PRH1: variants seen among roughly 807,000 people sequenced by gnomAD.
The protein encoded by PRH1 is proline rich protein HaeIII subfamily 1.
Under a neutral mutation model 7.9 loss-of-function variants are expected in PRH1, and 7 were observed. The ratio of observed to expected loss-of-function variants is 0.89; its 90% CI spans 0.50 to 1.67. PRH1 has a LOEUF of 1.67. Among genes scored for constraint, PRH1 ranks in the 40% most tolerant of loss-of-function variants. PRH1 has a pLI of 0.00. For missense variants in PRH1, 109 were observed against 223.6 expected (o/e 0.49, Z 3.27); for synonymous variants, 45 against 80.8 (o/e 0.56, Z 2.38).
chr12:11,070,305 T>A (rs142086260), intron 1 of PRH1, among the ~76,000 whole-genome samples: 2 of 152,148 alleles, frequency 1.3e-5, no homozygotes, highest in Non-Finnish European at 2.9e-5. Flanking sequence ...AAGGGAAGAA[T>A]GCCTCAGGCA....
At chr12:10,990,027 G>A (rs1280407352) in intron 1 of PRH1, among the ~76,000 whole-genome samples, 1 of 152,080 alleles carries the variant, frequency 6.6e-6, no homozygotes, top group African/African-American at 2.4e-5. Context: ...GTTATCCTGA[G>A]CAAAAAGAAC....
intron 1 of PRH1, among the ~76,000 whole-genome samples, chr12:11,091,115 C>CATATATATATATAT (rs1555163213): frequency 0.011 from 270 of 25,108 alleles, 31 homozygotes; most frequent in African/African-American, 0.021. Context: ...CACACACACA[C>CATATATATATATAT]ATATATATAT....
chr12:10,946,603 A>G (rs1442588600), intron 2 of PRH1, among the ~76,000 whole-genome samples: 2 of 151,982 alleles, frequency 1.3e-5, no homozygotes, highest in Non-Finnish European at 2.9e-5. Context: ...AAATTCATTG[A>G]TCTTTTGAAT....
chr12:11,036,040 C>G (rs1942421600), intron 1 of PRH1, among the ~76,000 whole-genome samples: 1 of 152,078 alleles, frequency 6.6e-6, no homozygotes, highest in Admixed American at 6.5e-5. Flanking sequence ...ACTACAGGAG[C>G]CTGCCACAAC....
At chr12:11,144,819 A>G (rs1946816516) in intron 1 of PRH1, among the ~76,000 whole-genome samples, 1 of 152,202 alleles carries the variant, frequency 6.6e-6, no homozygotes. Flanking sequence ...AACTTAACTC[A>G]GCTCAAGGTA....
At position 10,970,546 on chromosome 12, in the gene PRH1, TAAAGA is replaced by T. The variant is rs199597597; in HGVS notation, c.-59+3104_-59+3108del. Among the ~76,000 whole-genome samples, 426 of 150,434 alleles carry T rather than the reference TAAAGA, an allele frequency of 2.8e-3. 12 individuals carry two copies. The East Asian group carries it at 0.072, about 25-fold the overall frequency. On this transcript the variant is annotated intron_variant, in intron 2 of 3. Transcript: ENST00000539853. ...CTTGCTTATATATTATTTTTAAAAT[TAAAGA>T]AAAGTTTTTTTGTTTTTTTTTTTCG... is the stretch of plus-strand genomic sequence containing the variant.
At chr12:10,943,991 A>G (rs1482246168) in intron 2 of PRH1, among the ~76,000 whole-genome samples, 1 of 152,156 alleles carries the variant, frequency 6.6e-6, no homozygotes, top group African/African-American at 2.4e-5. Flanking sequence ...CATAGTTTGA[A>G]GTTGGGTAAT....
At chr12:10,971,857 T>C (rs969543344) in intron 2 of PRH1, among the ~76,000 whole-genome samples, 1 of 152,190 alleles carries the variant, frequency 6.6e-6, no homozygotes, top group African/African-American at 2.4e-5. Flanking sequence ...ATTACTCTTT[T>C]ATCATTCTAT....
At chr12:11,012,568 T>C (rs1191832106) in intron 1 of PRH1, among the ~76,000 whole-genome samples, 1 of 152,164 alleles carries the variant, frequency 6.6e-6, no homozygotes, top group Admixed American at 6.6e-5. Flanking sequence ...ACTTCCACTT[T>C]TCCTTTTTTG....
intron 1 of PRH1, among the ~76,000 whole-genome samples, chr12:11,103,433 G>A (rs11516170): frequency 0.22 from 33,021 of 151,378 alleles, 3,681 homozygotes; most frequent in Non-Finnish European, 0.24. Flanking sequence ...GCAAACTATC[G>A]CAAGGACAGA....
intron 1 of PRH1, among the ~76,000 whole-genome samples, chr12:11,115,790 A>G (rs1412639007): frequency 1.3e-5 from 2 of 152,136 alleles, no homozygotes; most frequent in Non-Finnish European, 2.9e-5. Context: ...TATGCTCCTG[A>G]ATGACCAGTA....
At chr12:11,073,865 T>A (rs1212774290) in intron 1 of PRH1, among the ~76,000 whole-genome samples, 1 of 152,138 alleles carries the variant, frequency 6.6e-6, no homozygotes, top group African/African-American at 2.4e-5. Flanking sequence ...ACTGCAGAAC[T>A]ATTCCCTCTT....
chr12:11,049,090 C>T (rs2597986), upstream of PRH1: 359,793 of 363,206 alleles, frequency 0.99, 178,290 homozygotes, highest in East Asian at 1. Flanking sequence ...AGTAAACCAA[C>T]TCTGGACACC....
At chr12:11,068,457 C>T (rs938720080) in intron 1 of PRH1, among the ~76,000 whole-genome samples, 1 of 152,138 alleles carries the variant, frequency 6.6e-6, no homozygotes, top group East Asian at 1.9e-4. Flanking sequence ...CTGTCTAGTT[C>T]ATTAATTTTG....
rs1390271913 is a variant in PRH1, at chr12:10,929,200, G to C, written c.-59+44455C>G. ...GGGAGCTCAAATGCGCCATTGTCCT[G>C]CTTGTCTTTATAAAGGGAGCTGACA... On this transcript the variant is annotated intron_variant, in intron 2 of 3. Transcript: ENST00000539853. 7.5e-6 allele frequency: 12 copies of C among 1,606,566 alleles called. No individual in the cohort carries two copies. The Admixed American group carries it at 2.0e-4, about 27-fold the overall frequency.
chr12:11,042,685 A>C (rs1258785299), intron 1 of PRH1, among the ~76,000 whole-genome samples: 1 of 129,926 alleles, frequency 7.7e-6, no homozygotes, highest in African/African-American at 3.0e-5. Context: ...GCTGGAGTTC[A>C]GTGGCATGCT....
chr12:11,016,725 T>C (rs1363982442), intron 1 of PRH1, among the ~76,000 whole-genome samples: 1 of 152,200 alleles, frequency 6.6e-6, no homozygotes, highest in Non-Finnish European at 1.5e-5. Context: ...TTTGCCGTTA[T>C]TGCCTCTTCT....
chr12:10,882,951 G>A (rs1413905395), intron 2 of PRH1, 110 bp downstream of exon 2: 8 of 1,489,400 alleles, frequency 5.4e-6, no homozygotes, highest in Admixed American at 1.7e-5. Context: ...TGGGGCATTG[G>A]TATTAGCCAA....
intron 1 of PRH1, among the ~76,000 whole-genome samples, chr12:11,017,959 C>T (rs914007786): frequency 2.0e-5 from 3 of 152,168 alleles, no homozygotes; most frequent in African/African-American, 7.2e-5. Context: ...TTCAGTTAAC[C>T]TACCTAGCCT....
Sources: gnomAD v4.1 joint callset for allele counts (sites outside exome capture counted in the v4.1 genomes callset) on GRCh38, gnomAD v4.1.1 for gene constraint, MANE v1.5 for transcripts, NCBI Gene and HGNC (gene_info 2026-07-23, HGNC 2026-07-21) for gene names.